Variants in CHD1 observed in about 807,000 individuals in gnomAD.
The protein encoded by CHD1 is ATP-dependent chromatin remodeler CHD1.
In CHD1, 36 loss-of-function variants were observed where a neutral mutation model predicts 224.2. The ratio of observed to expected loss-of-function variants is 0.16; its 90% CI spans 0.12 to 0.21. The LOEUF (loss-of-function observed/expected upper bound fraction) is 0.21. Ranked by LOEUF, CHD1 falls within the 10% of genes least tolerant of loss-of-function variation. The probability of loss-of-function intolerance (pLI) is 1.00; values close to 1 mark genes in which losing one functional copy is unlikely to be tolerated. For synonymous variants in CHD1, 668 were observed against 658.3 expected (o/e 1.01, Z -0.23); for missense variants, 1,378 against 1,994.8 (o/e 0.69, Z 5.89).
At chr5:98,880,991 A>T in intron 22 of CHD1, 85 bp downstream of exon 22, 2 of 810,132 alleles carry the variant, frequency 2.5e-6, no homozygotes, top group Non-Finnish European at 4.1e-6. Flanking sequence ...GATTATGCTT[A>T]AAGAAAGATT....
At chr5:98,926,187 T>C (rs161744) in intron 2 of CHD1, 147 bp downstream of exon 2, 79,908 of 499,474 alleles carry the variant, frequency 0.16, 7,570 homozygotes, top group Middle Eastern at 0.26. Context: ...TATATCAGAA[T>C]TTTTTTAGTA....
At chr5:98,871,326 G>C (rs1201906681) in intron 28 of CHD1, among the ~76,000 whole-genome samples, 1 of 109,118 alleles carries the variant, frequency 9.2e-6, no homozygotes, top group Non-Finnish European at 1.7e-5. Flanking sequence ...CCAACACACA[G>C]GATAAACAAT....
chr5:98,880,044 C>A (rs540237196), intron 22 of CHD1, among the ~76,000 whole-genome samples: 93 of 152,280 alleles, frequency 6.1e-4, no homozygotes, highest in Non-Finnish European at 1.2e-3. Context: ...AAATAATCTG[C>A]AGAAATTCTC....
intron 17 of CHD1, among the ~76,000 whole-genome samples, chr5:98,886,553 T>G (rs2112435537): frequency 6.6e-6 from 1 of 152,306 alleles, no homozygotes; most frequent in East Asian, 1.9e-4. Context: ...TCCATGCATT[T>G]AACCGACGAA....
At chr5:98,889,273 A>C (rs1226232356) in intron 15 of CHD1, 35 bp from the exon 16 acceptor site, 1 of 1,443,808 alleles carries the variant, frequency 6.9e-7, no homozygotes, top group Admixed American at 2.2e-5. Flanking sequence ...GATGTTTAGC[A>C]GAACAATTAC....
At position 98,897,258 on chromosome 5, in the gene CHD1, A is replaced by C. The variant is rs1344728748; in HGVS notation, c.1428T>G (p.His476Gln). Reference protein sequence around the residue: ...LKKQPSYIGGHEGLELRDYQL... With the variant: ...LKKQPSYIGGQEGLELRDYQL... The stretch of plus-strand genomic sequence containing the variant: ...GATAATCTCTTAATTCTAAGCCCTC[A>C]TGTCCTCCAATATAGGATGGCTGCT... Residue 476 changes from histidine to glutamine, a missense_variant, in exon 11 of 36, where the codon CAT (histidine) becomes CAG (glutamine). By Grantham distance (24) the His-to-Gln change is conservative (BLOSUM62 0). Coordinates refer to ENST00000614616, the MANE Select transcript of CHD1 (RefSeq NM_001270.4). 2 of 1,612,270 alleles carry C rather than the reference A, an allele frequency of 1.2e-6. No individual in the cohort carries two copies. The highest frequency in any genetic ancestry group is 3.3e-5 in the Admixed American group (2 of 59,944).
At chr5:98,874,023 AAGC>A in intron 25 of CHD1, among the ~76,000 whole-genome samples, 1 of 152,328 alleles carries the variant, frequency 6.6e-6, no homozygotes, top group Admixed American at 6.5e-5. Flanking sequence ...TGAAGTGGTA[AAGC>A]TTTATAATTG....
intron 1 of CHD1, among the ~76,000 whole-genome samples, chr5:98,927,551 GACT>G (rs1448995859): frequency 4.6e-5 from 7 of 152,190 alleles, no homozygotes; most frequent in Non-Finnish European, 8.8e-5. Flanking sequence ...TAATTCTCTA[GACT>G]ACTGTCCAGT....
rs1299539685 is a variant in CHD1, at chr5:98,857,838, CTAT to C, written c.4787+339_4787+341del. On this transcript the variant is annotated intron_variant, in intron 35 of 35. Coordinates refer to ENST00000614616, the MANE Select transcript of CHD1 (RefSeq NM_001270.4). ...AATTTCCTAAACCAAACCTGAATCA[CTAT>C]TATATCAAGCTTTTATCCCACTTAT... 1.3e-4 allele frequency among the ~76,000 whole-genome samples: 20 copies of C among 152,120 alleles called. 1 individual carries two copies. In the South Asian group the frequency reaches 2.9e-3, roughly 22 times the overall value.
At chr5:98,928,278 C>A (rs1332643556) in intron 1 of CHD1, among the ~76,000 whole-genome samples, 9 of 152,068 alleles carry the variant, frequency 5.9e-5, no homozygotes, top group African/African-American at 2.2e-4. Flanking sequence ...CCTCTCGCGG[C>A]CCGGTCGGCA....
chr5:98,909,932 A>G (rs901126217), intron 2 of CHD1, among the ~76,000 whole-genome samples: 2 of 152,098 alleles, frequency 1.3e-5, no homozygotes, highest in Admixed American at 1.3e-4. Context: ...TAACCTGCCT[A>G]TCTTTCTAGT....
Position 98,900,887 on chromosome 5 carries a change from C to T in CHD1, c.783G>A (p.Glu261=), listed in dbSNP as rs895208567. Reference sequence around the variant, plus strand: ...CCTCTTCCTCAGGTTGAGGAACATCCTCTCCACAGACTTCCAGTAGGTCAT... The same window carrying T: ...CCTCTTCCTCAGGTTGAGGAACATCTTCTCCACAGACTTCCAGTAGGTCAT... The part of the protein sequence containing the change: ...DSDDLLEVCG[E]DVPQPEEEEF... The change falls in exon 7 of 36, where the codon GAG becomes GAA. Residue 261 remains glutamate, a synonymous_variant. Coordinates refer to ENST00000614616, the MANE Select transcript of CHD1 (RefSeq NM_001270.4). 54 of 1,613,684 alleles carry T rather than the reference C, an allele frequency of 3.3e-5. No homozygotes were observed. Among genetic ancestry groups the T allele is most frequent in the Non-Finnish European group, 4.3e-5 (51 of 1,179,716 alleles).
intron 15 of CHD1, among the ~76,000 whole-genome samples, chr5:98,892,322 CAG>C (rs1325982474): frequency 6.6e-6 from 1 of 152,124 alleles, no homozygotes; most frequent in South Asian, 2.1e-4. Flanking sequence ...ATGAATTACT[CAG>C]TGTTGTCACT....
intron 15 of CHD1, among the ~76,000 whole-genome samples, chr5:98,891,304 G>A (rs1751007606): frequency 6.6e-6 from 1 of 152,100 alleles, no homozygotes; most frequent in Non-Finnish European, 1.5e-5. Context: ...TCAAACTCTT[G>A]AGGCTCAAGT....
Position 98,858,978 on chromosome 5 carries a change from A to G in CHD1, c.4562T>C (p.Val1521Ala), listed in dbSNP as rs141802026. 2.2e-4 allele frequency: 345 copies of G among 1,557,282 alleles called. 1 individual carries two copies. The African/African-American group carries it at 4.2e-3, about 19-fold the overall frequency. The stretch of plus-strand genomic sequence containing the variant: ...GGCTTACATACCTGGATTTCTAATC[A>G]CGTGAGGATTCAAGTTGCTGTTTTG... ...SDQNSNLNPHVIRNPDVERLK... is the reference protein window; with the variant it reads ...SDQNSNLNPHAIRNPDVERLK... Residue 1521 changes from valine (V) to alanine (A), a missense_variant, in exon 34 of 36, where the codon GTG (valine) becomes GCG (alanine). By Grantham distance (64) the Val-to-Ala change is moderately conservative. Transcript: ENST00000614616.
intron 32 of CHD1, among the ~76,000 whole-genome samples, chr5:98,862,385 G>C (rs1270002539): frequency 6.6e-6 from 1 of 152,256 alleles, no homozygotes; most frequent in South Asian, 2.1e-4. Context: ...AAAGTGAGGT[G>C]AGAGCACAGC....
chr5:98,881,868 A>T (rs758793716), intron 20 of CHD1, 107 bp downstream of exon 20: 2 of 949,208 alleles, frequency 2.1e-6, no homozygotes, highest in African/African-American at 1.7e-5. Flanking sequence ...AAATATAAAA[A>T]GTACAACTCT....
chr5:98,904,929 G>C lies in CHD1; in HGVS notation c.223C>G (p.Gln75Glu), dbSNP rs1751950848. Residue 75 changes from glutamine (Q) to glutamate (E), a missense_variant, in exon 3 of 36, where the codon CAA becomes GAA. Physicochemically the swap from Gln to Glu is conservative, Grantham distance 29. This residue lies in a region of CHD1 where 306 missense variants were observed against 298.1 expected (regional missense o/e 1.03). Coordinates refer to ENST00000614616, the MANE Select transcript of CHD1 (RefSeq NM_001270.4). ...CCATCAACTTTCGGTGGTTTTGCTT[G>C]AACTTTGTTTTCTCGGGAAGTGTCT... Reference protein sequence around the residue: ...ESDTSRENKVQAKPPKVDGAE... With the variant: ...ESDTSRENKVEAKPPKVDGAE... The C allele has an allele frequency of 6.2e-7, 1 of 1,613,754 alleles. No homozygotes were observed. The highest frequency in any genetic ancestry group is 8.5e-7 in the Non-Finnish European group (1 of 1,179,888).
Position 98,879,700 on chromosome 5 carries a change from T to A in CHD1, c.3089A>T (p.Asp1030Val). 1 of 1,601,482 alleles carries A rather than the reference T, an allele frequency of 6.2e-7. No individual in the cohort carries two copies. The highest frequency in any genetic ancestry group is 2.2e-5 in the East Asian group (1 of 44,704). Residue 1030 changes from aspartate (D) to valine (V), a missense_variant, in exon 23 of 36, where the codon GAT (aspartate) becomes GTT (valine). Asp to Val is a radical substitution (Grantham distance 152, BLOSUM62 -3). This residue lies in a region of CHD1 where 286 missense variants were observed against 445.1 expected (regional missense o/e 0.64). Transcript: ENST00000614616. ...TCTTTCAGGTTCCAACTCAATGTCA[T>A]CCTCATCCATATTTGAGAAGTTGGC... Reference protein sequence around the residue: ...KVANFSNMDEDDIELEPERNS... With the variant: ...KVANFSNMDEVDIELEPERNS...
Sources: gnomAD v4.1 joint callset for allele counts (sites outside exome capture counted in the v4.1 genomes callset) on GRCh38, gnomAD v4.1.1 for gene constraint, gnomAD v4.1.1 regional missense constraint, MANE v1.5 for transcripts, NCBI Gene and HGNC (gene_info 2026-07-23, HGNC 2026-07-21) for gene names.